ZNF486: variants seen among roughly 807,000 people sequenced by gnomAD.
The protein encoded by ZNF486 is KRAB box only protein 2.
In ZNF486, 12 loss-of-function variants were observed where a neutral mutation model predicts 12.8. That is an observed-to-expected ratio of 0.94 (90% CI 0.60 to 1.52). The LOEUF is 1.52. ZNF486 is among the 40% of genes most tolerant of loss of function. The pLI, the probability that ZNF486 is intolerant of heterozygous loss-of-function variation, is 0.00. For synonymous variants in ZNF486, 231 were observed against 184.9 expected (o/e 1.25, Z -2.02); for missense variants, 738 against 545.0 (o/e 1.35, Z -3.53).
At chr19:20,182,019 A>G (rs1484968432) in intron 1 of ZNF486, among the ~76,000 whole-genome samples, 1 of 152,126 alleles carries the variant, frequency 6.6e-6, no homozygotes, top group African/African-American at 2.4e-5. Context: ...ATACAGACTT[A>G]CTCTGTCATT....
rs185453329 is a variant in ZNF486, at chr19:20,190,034, C to G, written c.253+3952C>G. On this transcript the variant is annotated intron_variant, in intron 3 of 3. Coordinates refer to ENST00000335117, the MANE Select transcript of ZNF486 (RefSeq NM_052852.4). ...TTTATCAGTGTTGATATTCAGTTTT[C>G]AACATCATTTTTTGAAGATATTACT... 4.8e-4 allele frequency among the ~76,000 whole-genome samples: 73 copies of G among 151,970 alleles called. 1 individual carries two copies. The South Asian group carries it at 9.5e-3, about 20-fold the overall frequency.
chr19:20,184,803 T>C (rs1555716124), intron 2 of ZNF486, among the ~76,000 whole-genome samples: 1 of 152,012 alleles, frequency 6.6e-6, no homozygotes, highest in Admixed American at 6.6e-5. Flanking sequence ...TAGTATCAGG[T>C]AGTAAATTTA....
chr19:20,193,001 CTTAATT>C (rs1255158404), intron 3 of ZNF486, among the ~76,000 whole-genome samples: 2 of 151,686 alleles, frequency 1.3e-5, no homozygotes, highest in African/African-American at 2.4e-5. Flanking sequence ...GTTTTACTTT[CTTAATT>C]TTCATTTTAT....
intron 1 of ZNF486, among the ~76,000 whole-genome samples, chr19:20,178,375 C>T (rs1309435658): frequency 3.3e-5 from 5 of 152,052 alleles, no homozygotes; most frequent in African/African-American, 1.2e-4. Flanking sequence ...TCCTGAATAG[C>T]TGGGACTACA....
Position 20,171,100 on chromosome 19 carries a change from A to C in ZNF486, c.30+3740A>C, listed in dbSNP as rs1233915342. On this transcript the variant is annotated intron_variant, in intron 1 of 3. Transcript: ENST00000335117. ...TGTCAGAATTCAAATATTAGGCAAT[A>C]AGTTTGTGTTGGAGAAATGTTTGAT... Among the ~76,000 whole-genome samples the C allele has an allele frequency of 5.9e-5, 9 of 152,176 alleles. 1 individual carries two copies. Among genetic ancestry groups the C allele is most frequent in the Non-Finnish European group, 1.2e-4 (8 of 68,036 alleles).
At chr19:20,192,472 A>G (rs552903304) in intron 3 of ZNF486, among the ~76,000 whole-genome samples, 2 of 151,930 alleles carry the variant, frequency 1.3e-5, no homozygotes, top group African/African-American at 4.8e-5. Context: ...TGCCCAGCTA[A>G]TTTTTTTGTA....
In ZNF486 at chr19:20,191,926, T is replaced by G. The variant is rs185926420; in HGVS notation, c.254-5038T>G. Among the ~76,000 whole-genome samples, 224 of 152,324 alleles carry G rather than the reference T, an allele frequency of 1.5e-3. 1 individual carries two copies. Among genetic ancestry groups the G allele is most frequent in the African/African-American group, 5.2e-3 (216 of 41,572 alleles). On this transcript the variant is annotated intron_variant, in intron 3 of 3. Coordinates refer to ENST00000335117, the MANE Select transcript of ZNF486 (RefSeq NM_052852.4). ...CAAATGGGGTCTTGATGTCTACAAT[T>G]TTTATGTTGCTATGTATGCCTTGCT...
chr19:20,195,228 G>T (rs1448919252), intron 3 of ZNF486, among the ~76,000 whole-genome samples: 1 of 152,110 alleles, frequency 6.6e-6, no homozygotes. Context: ...CAGTACAGTG[G>T]TACAATCTCC....
chr19:20,173,844 A>AG (rs1254656834), intron 1 of ZNF486, among the ~76,000 whole-genome samples: 1 of 151,812 alleles, frequency 6.6e-6, no homozygotes, highest in Non-Finnish European at 1.5e-5. Flanking sequence ...AAAAAAAAAA[A>AG]CTTCCAAAAA....
At chr19:20,167,615 G>T (rs782422691) in intron 1 of ZNF486, among the ~76,000 whole-genome samples, 9 of 152,192 alleles carry the variant, frequency 5.9e-5, no homozygotes. Context: ...CTCTCCACCC[G>T]CAGCTTCGGG....
chr19:20,168,315 C>T lies in ZNF486; in HGVS notation c.30+955C>T, dbSNP rs565367588. 1.3e-4 allele frequency among the ~76,000 whole-genome samples: 20 copies of T among 149,682 alleles called. No individual in the cohort carries two copies. In the East Asian group the frequency reaches 2.6e-3, roughly 20 times the overall value. On this transcript the variant is annotated intron_variant, in intron 1 of 3. Transcript: ENST00000335117. Reference sequence around the variant, plus strand: ...CGGAGGTTGCAGTGAGCTGAGACCGCGCCATCGTACTTAAGTGTGCGTGAC... The same window carrying T: ...CGGAGGTTGCAGTGAGCTGAGACCGTGCCATCGTACTTAAGTGTGCGTGAC...
chr19:20,185,161 C>T (rs1319597355), intron 2 of ZNF486, among the ~76,000 whole-genome samples: 1 of 151,934 alleles, frequency 6.6e-6, no homozygotes, highest in Admixed American at 6.6e-5. Flanking sequence ...GATAATGTGG[C>T]AATTTAAAAA....
Position 20,199,283 on chromosome 19 carries a change from G to T in ZNF486, c.*1181G>T, listed in dbSNP as rs1386443261. Reference sequence around the variant, plus strand: ...AGACAAGCATTACAAATATAAAGAGGTTTGTAGTACCTTTGCTTGTATTAC... The same window carrying T: ...AGACAAGCATTACAAATATAAAGAGTTTTGTAGTACCTTTGCTTGTATTAC... On this transcript the variant is annotated 3_prime_UTR_variant, in exon 4 of 4. Coordinates refer to ENST00000335117, the MANE Select transcript of ZNF486 (RefSeq NM_052852.4). The T allele has an allele frequency of 6.6e-6, 1 of 152,118 alleles. No individual in the cohort carries two copies. The highest frequency in any genetic ancestry group is 1.5e-5 in the Non-Finnish European group (1 of 68,032). The allele number at this position is 152,118 out of a possible 1,614,324, so 9.4% of individuals were successfully genotyped here.
rs1555718429 is a variant in ZNF486 at position 20,198,147 on chromosome 19, G to T, written c.*45G>T. 6.7e-7 allele frequency: 1 copy of T among 1,486,510 alleles called. No individual in the cohort carries two copies. Among genetic ancestry groups the T allele is most frequent in the Non-Finnish European group, 9.0e-7 (1 of 1,114,564 alleles). The allele number at this position is 1,486,510 out of a possible 1,614,324, so 92.1% of individuals were successfully genotyped here. A position where few individuals can be genotyped will look rare whatever the true frequency, so the allele number is the denominator to read the frequency against. On this transcript the variant is annotated 3_prime_UTR_variant, in exon 4 of 4. Transcript: ENST00000335117. ...TATTATTTTTTTGAGAGGTAATTCT[G>T]CTGTTGTTTCCCAGGCTGGAGTGCA...
At chr19:20,172,917 A>C (rs1555714115) in intron 1 of ZNF486, among the ~76,000 whole-genome samples, 1 of 152,236 alleles carries the variant, frequency 6.6e-6, no homozygotes, top group Non-Finnish European at 1.5e-5. Context: ...CTGGGATTAC[A>C]GTCATGAGTC....
chr19:20,170,046 A>G (rs183510382), intron 1 of ZNF486, among the ~76,000 whole-genome samples: 32 of 151,148 alleles, frequency 2.1e-4, no homozygotes, highest in East Asian at 4.0e-4. Context: ...GCCCGCCACC[A>G]CGCCCGGCTA....
At position 20,168,060 on chromosome 19, in the gene ZNF486, G is replaced by T. The variant is rs58418189; in HGVS notation, c.30+700G>T. ...AGGACACAAAAACAAAAACTACGTTGGGGTTAAAAACCCATTCCTGGTCGG... is the reference window on the plus strand; with the variant it reads ...AGGACACAAAAACAAAAACTACGTTTGGGTTAAAAACCCATTCCTGGTCGG... On this transcript the variant is annotated intron_variant, in intron 1 of 3. Transcript: ENST00000335117. Among the ~76,000 whole-genome samples the T allele has an allele frequency of 6.7e-3, 1,009 of 151,446 alleles. 11 individuals are homozygous for T. The highest frequency in any genetic ancestry group is 0.023 in the African/African-American group (930 of 41,246).
intron 1 of ZNF486, among the ~76,000 whole-genome samples, chr19:20,172,131 G>T (rs1555713972): frequency 6.6e-6 from 1 of 151,900 alleles, no homozygotes; most frequent in East Asian, 1.9e-4. Context: ...AGCCTCCCAA[G>T]TAGCTGGGAT....
In ZNF486 at chr19:20,184,396, T is replaced by C. The variant is rs1555716018; in HGVS notation, c.71T>C (p.Leu24Pro). The C allele has an allele frequency of 6.2e-7, 1 of 1,613,602 alleles. No homozygotes were observed. Among genetic ancestry groups the C allele is most frequent in the Non-Finnish European group, 8.5e-7 (1 of 1,179,728 alleles). The part of the protein sequence containing the change: ...QFRDVAVEFS[L>P]EEWHCLDTAQ... ...AGAGATGTGGCTGTAGAATTCTCTC[T>C]GGAGGAGTGGCATTGCCTGGACACT... The change falls in exon 2 of 4, where the codon CTG becomes CCG. Residue 24 changes from leucine (L) to proline (P), a missense_variant. Transcript: ENST00000335117.
Sources: allele counts gnomAD v4.1 joint callset (sites outside exome capture counted in the v4.1 genomes callset), GRCh38; gene constraint gnomAD v4.1.1; transcripts MANE v1.5; gene names NCBI Gene and HGNC (gene_info 2026-07-23, HGNC 2026-07-21).